ZNF407: variants seen among roughly 807,000 people sequenced by gnomAD.
The protein encoded by ZNF407 is zinc finger protein 407.
ZNF407 carries 17 observed loss-of-function variants against 131.2 expected under a neutral mutation model. The observed-to-expected ratio is 0.13, with a 90% CI of 0.09 to 0.19. The LOEUF (loss-of-function observed/expected upper bound fraction) is 0.19. ZNF407 is among the 10% of genes least tolerant of loss of function. The pLI is 1.00. For missense variants in ZNF407, 2,681 were observed against 2,830.6 expected (o/e 0.95, Z 1.20); for synonymous variants, 1,156 against 1,062.0 (o/e 1.09, Z -1.72).
chr18:74,820,165 GA>G (rs2145100633), intron 4 of ZNF407, among the ~76,000 whole-genome samples: 1 of 152,308 alleles, frequency 6.6e-6, no homozygotes, highest in South Asian at 2.1e-4. Context: ...GACAGGACTG[GA>G]AAGATTGTAT....
At chr18:74,738,835 T>C (rs1968482134) in intron 3 of ZNF407, among the ~76,000 whole-genome samples, 1 of 152,186 alleles carries the variant, frequency 6.6e-6, no homozygotes, top group Admixed American at 6.5e-5. Flanking sequence ...GGAGGAATAC[T>C]GGGATTTCTG....
chr18:74,658,213 G>A (rs987841359), intron 3 of ZNF407, among the ~76,000 whole-genome samples: 17 of 151,950 alleles, frequency 1.1e-4, no homozygotes, highest in African/African-American at 3.9e-4. Context: ...CCCGGGTTCC[G>A]GTTCAAGCAA....
At chr18:74,627,610 CA>C (rs1983841683) in intron 1 of ZNF407, among the ~76,000 whole-genome samples, 1 of 152,082 alleles carries the variant, frequency 6.6e-6, no homozygotes, top group African/African-American at 2.4e-5. Flanking sequence ...AGATTACAGC[CA>C]TGAGCCACTG....
intron 4 of ZNF407, among the ~76,000 whole-genome samples, chr18:74,853,639 G>A (rs1417031147): frequency 3.3e-5 from 5 of 152,100 alleles, no homozygotes; most frequent in South Asian, 2.1e-4. Flanking sequence ...AGTCTGCAGC[G>A]CTACCTGTCA....
rs868091767 is a variant in ZNF407, at chr18:74,913,435, C to T, written c.5250-7079C>T. 3.3e-4 allele frequency among the ~76,000 whole-genome samples: 50 copies of T among 152,166 alleles called. No individual in the cohort carries two copies. The Middle Eastern group carries it at 0.01, about 31-fold the overall frequency. ...ATGTAGGGGAGATAAGCGTGCCCTT[C>T]GGTGTTCGATACGGCGAGGCCCCAT... On this transcript the variant is annotated intron_variant, in intron 7 of 8. Coordinates refer to ENST00000299687, the MANE Select transcript of ZNF407 (RefSeq NM_017757.3).
intron 3 of ZNF407, among the ~76,000 whole-genome samples, chr18:74,706,027 CT>C (rs1267407997): frequency 6.6e-6 from 1 of 152,152 alleles, no homozygotes; most frequent in Non-Finnish European, 1.5e-5. Context: ...ATTCTATTTC[CT>C]TCTCCACTGT....
At chr18:74,960,263 T>C (rs1299811732) in intron 8 of ZNF407, among the ~76,000 whole-genome samples, 1 of 150,308 alleles carries the variant, frequency 6.7e-6, no homozygotes, top group Non-Finnish European at 1.5e-5. Context: ...GAGTGAGTGC[T>C]TGGTGGAGGG....
intron 8 of ZNF407, among the ~76,000 whole-genome samples, chr18:75,049,847 A>G (rs1973479266): frequency 6.6e-6 from 1 of 152,196 alleles, no homozygotes; most frequent in Non-Finnish European, 1.5e-5. Context: ...TCAAGCTTCA[A>G]CATGACACCC....
intron 1 of ZNF407, among the ~76,000 whole-genome samples, chr18:74,607,899 C>A (rs1241467387): frequency 3.3e-5 from 5 of 152,078 alleles, no homozygotes. Context: ...CTAGAGTATC[C>A]CAATCACAGG....
At chr18:74,878,844 C>T (rs1345335505) in intron 5 of ZNF407, among the ~76,000 whole-genome samples, 1 of 147,326 alleles carries the variant, frequency 6.8e-6, no homozygotes, top group Admixed American at 6.7e-5. Context: ...TCAAAAAAAA[C>T]ACTCTGTTTG....
intron 3 of ZNF407, among the ~76,000 whole-genome samples, chr18:74,669,436 C>A (rs985312720): frequency 6.6e-6 from 1 of 152,176 alleles, no homozygotes; most frequent in African/African-American, 2.4e-5. Context: ...GGTACTCCCC[C>A]ACCCCTCCAC....
intron 4 of ZNF407, among the ~76,000 whole-genome samples, chr18:74,806,906 T>A (rs1970118516): frequency 6.6e-6 from 1 of 152,184 alleles, no homozygotes; most frequent in South Asian, 2.1e-4. Context: ...TTAGCAAAAA[T>A]TTTCTCAGGC....
At chr18:74,825,599 A>G (rs1256182730) in intron 4 of ZNF407, among the ~76,000 whole-genome samples, 1 of 152,208 alleles carries the variant, frequency 6.6e-6, no homozygotes, top group Non-Finnish European at 1.5e-5. Context: ...GGGTGTCAGC[A>G]TTAGGTGGTC....
chr18:74,834,985 T>G (rs1970535451), intron 4 of ZNF407, among the ~76,000 whole-genome samples: 1 of 152,208 alleles, frequency 6.6e-6, no homozygotes, highest in Admixed American at 6.5e-5. Context: ...TGTACAGAGT[T>G]GAGGATGATA....
In ZNF407 at chr18:74,632,631, A is replaced by G. The variant is rs749193799; in HGVS notation, c.1612A>G (p.Thr538Ala). 3.1e-6 allele frequency: 5 copies of G among 1,613,948 alleles called. No homozygotes were observed. In the South Asian group the frequency reaches 5.5e-5, roughly 18 times the overall value. Residue 538 changes from threonine (T) to alanine (A), a missense_variant, in exon 2 of 9, where the codon ACA becomes GCA. Transcript: ENST00000299687. ...TTGTACAGACTGTGGGCAAGTAGCT[A>G]CAAATAGGACAGATTTGGAAATCCA... is the stretch of plus-strand genomic sequence containing the variant. ...CACTDCGQVA[T>A]NRTDLEIHVK...
At chr18:74,923,141 A>G (rs1483026552) in intron 8 of ZNF407, among the ~76,000 whole-genome samples, 3 of 151,936 alleles carry the variant, frequency 2.0e-5, no homozygotes, top group Admixed American at 6.5e-5. Context: ...ATCTTTTTCT[A>G]TTTCATATTC....
At chr18:75,029,611 G>T (rs975729930) in intron 8 of ZNF407, among the ~76,000 whole-genome samples, 1 of 151,924 alleles carries the variant, frequency 6.6e-6, no homozygotes, top group African/African-American at 2.4e-5. Flanking sequence ...GCATGGGTGT[G>T]TGTGCCTGGG....
chr18:74,754,444 A>G (rs150800286), intron 3 of ZNF407, among the ~76,000 whole-genome samples: 2,048 of 152,026 alleles, frequency 0.013, 23 homozygotes, highest in Non-Finnish European at 0.019. Context: ...TGATGTTAGG[A>G]TATCAATTTT....
chr18:74,804,992 C>T (rs1021878853), intron 4 of ZNF407, among the ~76,000 whole-genome samples: 50 of 152,254 alleles, frequency 3.3e-4, no homozygotes, highest in African/African-American at 1.1e-3. Flanking sequence ...TTTCAGTGAC[C>T]CGACGTGCAT....
Sources: allele counts gnomAD v4.1 joint callset (sites outside exome capture counted in the v4.1 genomes callset), GRCh38; gene constraint gnomAD v4.1.1; transcripts MANE v1.5; gene names NCBI Gene and HGNC (gene_info 2026-07-23, HGNC 2026-07-21).